NEK7: variants seen among roughly 807,000 people sequenced by gnomAD.
NEK7 encodes the protein NIMA related kinase 7, also known as serine/threonine-protein kinase Nek7.
NEK7 carries 18 observed loss-of-function variants against 44.6 expected under a neutral mutation model. That is an observed-to-expected ratio of 0.40 (90% CI 0.28 to 0.60). The LOEUF (loss-of-function observed/expected upper bound fraction) is 0.60, where lower values mean the gene tolerates loss of function less well. Among genes scored for constraint, NEK7 ranks in the 20% least tolerant of loss-of-function variants. The pLI, the probability that NEK7 is intolerant of heterozygous loss-of-function variation, is 0.38. For synonymous variants in NEK7, 130 were observed against 121.1 expected (o/e 1.07, Z -0.48); for missense variants, 256 against 366.5 (o/e 0.70, Z 2.46).
At chr1:198,218,132 A>G (rs760357778) in intron 1 of NEK7, among the ~76,000 whole-genome samples, 21 of 152,252 alleles carry the variant, frequency 1.4e-4, no homozygotes, top group East Asian at 1.9e-4. Flanking sequence ...AGCAAAAAGC[A>G]TAAGTCTGGA....
chr1:198,158,537 G>T (rs905174487), intron 1 of NEK7, among the ~76,000 whole-genome samples: 1 of 152,210 alleles, frequency 6.6e-6, no homozygotes, highest in African/African-American at 2.4e-5. Flanking sequence ...AGGACCTTGA[G>T]CTGCTGGTGG....
At chr1:198,203,656 T>C (rs1665503529) in intron 1 of NEK7, among the ~76,000 whole-genome samples, 1 of 152,230 alleles carries the variant, frequency 6.6e-6, no homozygotes. Flanking sequence ...AGTAACATCA[T>C]GTGTTTGAAA....
chr1:198,192,744 A>G (rs1485333952), intron 1 of NEK7, among the ~76,000 whole-genome samples: 1 of 152,180 alleles, frequency 6.6e-6, no homozygotes, highest in Non-Finnish European at 1.5e-5. Flanking sequence ...AGGCAGAAAT[A>G]AAGAAGTCCT....
At chr1:198,291,729 T>G (rs547602415) in intron 7 of NEK7, among the ~76,000 whole-genome samples, 89 of 152,282 alleles carry the variant, frequency 5.8e-4, no homozygotes, top group Non-Finnish European at 1.1e-3. Context: ...TAAAAACGGA[T>G]TCCGATACAG....
intron 1 of NEK7, among the ~76,000 whole-genome samples, chr1:198,177,474 T>G (rs754887903): frequency 8.5e-5 from 13 of 152,200 alleles, no homozygotes; most frequent in Non-Finnish European, 1.6e-4. Context: ...TCAGAGACAA[T>G]GTATCACATA....
chr1:198,258,863 T>A (rs557913810), intron 3 of NEK7, among the ~76,000 whole-genome samples: 1 of 152,306 alleles, frequency 6.6e-6, no homozygotes, highest in South Asian at 2.1e-4. Context: ...AAGTCCATAT[T>A]TTCACCCAAG....
intron 1 of NEK7, among the ~76,000 whole-genome samples, chr1:198,179,762 C>A (rs886704214): frequency 6.6e-6 from 1 of 152,032 alleles, no homozygotes; most frequent in Non-Finnish European, 1.5e-5. Flanking sequence ...TTTCTGCAGT[C>A]TTCCTGTTGC....
At chr1:198,286,892 G>A (rs1654386524) in intron 7 of NEK7, among the ~76,000 whole-genome samples, 2 of 152,064 alleles carry the variant, frequency 1.3e-5, no homozygotes, top group Admixed American at 6.6e-5. Flanking sequence ...GTTAGCAGTG[G>A]TGGAGAGTCC....
intron 9 of NEK7, among the ~76,000 whole-genome samples, chr1:198,318,684 A>G (rs1655446215): frequency 3.3e-5 from 5 of 152,148 alleles, no homozygotes; most frequent in Admixed American, 3.3e-4. Context: ...ATTAGAATTG[A>G]CAATAAAATG....
chr1:198,300,618 A>G (rs907777396), intron 9 of NEK7, among the ~76,000 whole-genome samples: 2 of 152,234 alleles, frequency 1.3e-5, no homozygotes, highest in African/African-American at 4.8e-5. Flanking sequence ...CTCCCCCTGC[A>G]GACTGTCAAG....
At chr1:198,232,993 A>G (rs1666443613) in intron 2 of NEK7, among the ~76,000 whole-genome samples, 1 of 151,898 alleles carries the variant, frequency 6.6e-6, no homozygotes, top group Admixed American at 6.6e-5. Context: ...CTTAGTTCCC[A>G]TTTACAAACA....
chr1:198,273,687 A>T (rs539594290), intron 5 of NEK7, among the ~76,000 whole-genome samples: 10 of 151,920 alleles, frequency 6.6e-5, no homozygotes, highest in Non-Finnish European at 1.5e-4. Flanking sequence ...AAGACCTTTT[A>T]TAGTATTAAA....
At chr1:198,183,380 T>A (rs1003631474) in intron 1 of NEK7, among the ~76,000 whole-genome samples, 2 of 152,098 alleles carry the variant, frequency 1.3e-5, no homozygotes, top group African/African-American at 2.4e-5. Flanking sequence ...GGCCTGTAAT[T>A]CCAGGCTAAG....
At chr1:198,177,566 G>A (rs1445928142) in intron 1 of NEK7, among the ~76,000 whole-genome samples, 2 of 152,076 alleles carry the variant, frequency 1.3e-5, no homozygotes. Flanking sequence ...TTGAGAAAAA[G>A]CATTGAAATG....
rs768610334 is a variant in NEK7, at chr1:198,293,011, T to C, written c.656T>C (p.Ile219Thr). Residue 219 changes from isoleucine (I) to threonine (T), a missense_variant, in exon 8 of 10, where the codon ATC (isoleucine) becomes ACC (threonine). By Grantham distance (89) the Ile-to-Thr change is moderately conservative. This residue lies in a region of NEK7 where 102 missense variants were observed against 205.2 expected (regional missense o/e 0.50). Transcript: ENST00000367385. ...AATGGATACAACTTCAAATCTGACA[T>C]CTGGTCTCTTGGCTGTCTACTATAT... is the stretch of plus-strand genomic sequence containing the variant. ...HENGYNFKSD[I>T]WSLGCLLYEM... 1.0e-5 allele frequency: 16 copies of C among 1,591,012 alleles called. No individual in the cohort carries two copies. The highest frequency in any genetic ancestry group is 1.3e-5 in the Non-Finnish European group (15 of 1,159,348).
chr1:198,277,695 A>G (rs897012180), intron 5 of NEK7: 2 of 259,962 alleles, frequency 7.7e-6, no homozygotes, highest in Non-Finnish European at 1.5e-5. Context: ...ATTGTTTTAT[A>G]TAGATGTTAA....
intron 7 of NEK7, among the ~76,000 whole-genome samples, chr1:198,292,734 A>T (rs1346068372): frequency 6.6e-6 from 1 of 151,926 alleles, no homozygotes; most frequent in Non-Finnish European, 1.5e-5. Context: ...TTAACCCACC[A>T]CATTGTTTAG....
intron 1 of NEK7, among the ~76,000 whole-genome samples, chr1:198,216,039 G>A (rs757501407): frequency 3.3e-5 from 5 of 152,024 alleles, no homozygotes; most frequent in South Asian, 2.1e-4. Flanking sequence ...CTTCAACTGC[G>A]CTCTAGAACA....
chr1:198,208,745 G>A (rs1665671495), intron 1 of NEK7, among the ~76,000 whole-genome samples: 1 of 152,118 alleles, frequency 6.6e-6, no homozygotes, highest in Admixed American at 6.5e-5. Context: ...TGTTTATGAT[G>A]TTTAAGGCTT....
Sources: allele counts gnomAD v4.1 joint callset (sites outside exome capture counted in the v4.1 genomes callset), GRCh38; gene constraint gnomAD v4.1.1; regional missense constraint gnomAD v4.1.1; transcripts MANE v1.5; gene names NCBI Gene and HGNC (gene_info 2026-07-23, HGNC 2026-07-21).